LAMA2: variants seen among roughly 807,000 people sequenced by gnomAD.
LAMA2 encodes the protein laminin subunit alpha-2.
Under a neutral mutation model 364.8 loss-of-function variants are expected in LAMA2, and 269 were observed. The ratio of observed to expected loss-of-function variants is 0.74; its 90% CI spans 0.67 to 0.82. LAMA2 has a LOEUF of 0.82. Among genes scored for constraint, LAMA2 ranks in the 40% least tolerant of loss-of-function variants. The probability of loss-of-function intolerance (pLI) is 0.00; values close to 1 mark genes in which losing one functional copy is unlikely to be tolerated. For synonymous variants in LAMA2, 1,379 were observed against 1,370.6 expected (o/e 1.01, Z -0.14); for missense variants, 3,807 against 3,873.2 (o/e 0.98, Z 0.45).
At chr6:129,007,030 C>T (rs1352441864) in intron 1 of LAMA2, among the ~76,000 whole-genome samples, 1 of 152,094 alleles carries the variant, frequency 6.6e-6, no homozygotes, top group Non-Finnish European at 1.5e-5. Context: ...TCACAAAGGT[C>T]TTTGTAGTTA....
intron 3 of LAMA2, among the ~76,000 whole-genome samples, chr6:129,061,251 T>TGC (rs990810050): frequency 9.2e-5 from 14 of 152,206 alleles, no homozygotes; most frequent in African/African-American, 3.4e-4. Context: ...AGAGTGAGTC[T>TGC]GCTGTGCATT....
chr6:129,401,884 A>G (rs1330721409), intron 38 of LAMA2, among the ~76,000 whole-genome samples: 2 of 152,038 alleles, frequency 1.3e-5, no homozygotes, highest in Non-Finnish European at 2.9e-5. Flanking sequence ...TCTTTTTGCT[A>G]TGTTAGTAAG....
chr6:129,469,963 G>A (rs1783730562), intron 51 of LAMA2, among the ~76,000 whole-genome samples: 1 of 151,858 alleles, frequency 6.6e-6, no homozygotes, highest in Non-Finnish European at 1.5e-5. Flanking sequence ...AAGGCAAAAA[G>A]GAGGGATTAC....
At chr6:129,088,219 C>A (rs1288295401) in intron 3 of LAMA2, among the ~76,000 whole-genome samples, 1 of 151,466 alleles carries the variant, frequency 6.6e-6, no homozygotes, top group Non-Finnish European at 1.5e-5. Context: ...GGAGTAAGGT[C>A]ATAGATCAAC....
At chr6:129,475,759 A>G (rs1784039057) in intron 53 of LAMA2, among the ~76,000 whole-genome samples, 1 of 151,992 alleles carries the variant, frequency 6.6e-6, no homozygotes, top group African/African-American at 2.4e-5. Flanking sequence ...AAACACGGTA[A>G]AGTGGTCTCT....
chr6:129,219,952 TA>T (rs1783709569), intron 12 of LAMA2, among the ~76,000 whole-genome samples: 1 of 151,692 alleles, frequency 6.6e-6, no homozygotes, highest in Admixed American at 6.6e-5. Context: ...ACATGTACCC[TA>T]AAACTTAAAG....
intron 1 of LAMA2, among the ~76,000 whole-genome samples, chr6:128,988,754 A>T (rs1783427136): frequency 6.6e-6 from 1 of 152,198 alleles, no homozygotes; most frequent in South Asian, 2.1e-4. Flanking sequence ...ATCAGAGATG[A>T]GCTAAACAAA....
intron 64 of LAMA2, among the ~76,000 whole-genome samples, chr6:129,515,462 C>T (rs1786977321): frequency 6.6e-6 from 1 of 152,102 alleles, no homozygotes; most frequent in Non-Finnish European, 1.5e-5. Flanking sequence ...ATGTACTTCT[C>T]CATTCAGTCT....
intron 1 of LAMA2, among the ~76,000 whole-genome samples, chr6:128,991,420 T>C (rs998487054): frequency 1.3e-5 from 2 of 152,330 alleles, no homozygotes; most frequent in East Asian, 1.9e-4. Flanking sequence ...CGATTCAATC[T>C]ATTATGGAAG....
intron 12 of LAMA2, among the ~76,000 whole-genome samples, chr6:129,234,594 A>T (rs1784866774): frequency 6.6e-6 from 1 of 152,208 alleles, no homozygotes; most frequent in Non-Finnish European, 1.5e-5. Context: ...TTGAATAAGT[A>T]AATTTCATTA....
At position 128,961,318 on chromosome 6, in the gene LAMA2, G is replaced by GATATATAT. The variant is rs58772123; in HGVS notation, c.112+78004_112+78011dup. Among the ~76,000 whole-genome samples the GATATATAT allele has an allele frequency of 6.3e-3, 364 of 57,588 alleles. 9 individuals are homozygous for GATATATAT. The highest frequency in any genetic ancestry group is 0.017 in the Middle Eastern group (2 of 116). The allele number at this position is 57,588 out of a possible 152,430, so 37.8% of individuals were successfully genotyped here. On this transcript the variant is annotated intron_variant, in intron 1 of 64. Transcript: ENST00000421865. ...TTCTGTAGAGGGACAGAACTAATAT[G>GATATATAT]ATATATATATATATATATATATATA...
At chr6:129,225,445 T>C (rs1784185826) in intron 12 of LAMA2, among the ~76,000 whole-genome samples, 2 of 152,352 alleles carry the variant, frequency 1.3e-5, no homozygotes, top group South Asian at 4.1e-4. Flanking sequence ...ATTTTGGATC[T>C]TTCCTGCTTT....
At chr6:129,277,668 A>G (rs1206623240) in intron 17 of LAMA2, among the ~76,000 whole-genome samples, 1 of 152,176 alleles carries the variant, frequency 6.6e-6, no homozygotes, top group Non-Finnish European at 1.5e-5. Flanking sequence ...AATTTTGTAT[A>G]TGACCTTGGT....
At position 129,147,060 on chromosome 6, in the gene LAMA2, T is replaced by C. The variant is rs1778500621; in HGVS notation, c.909+12T>C. 6.4e-7 allele frequency: 1 copy of C among 1,552,908 alleles called. No individual in the cohort carries two copies. The highest frequency in any genetic ancestry group is 1.4e-5 in the African/African-American group (1 of 73,612). On this transcript the variant is annotated intron_variant, in intron 6 of 64. Coordinates refer to ENST00000421865, the MANE Select transcript of LAMA2 (RefSeq NM_000426.4). ...ATCCAGCGACAAATGTATGTATATT[T>C]ATAGGATGCTTAGGCAAAATGAAGC...
intron 34 of LAMA2, among the ~76,000 whole-genome samples, chr6:129,382,532 G>A (rs1281283742): frequency 6.6e-6 from 1 of 152,106 alleles, no homozygotes; most frequent in East Asian, 1.9e-4. Context: ...TATTTCTGGT[G>A]CTATCATATG....
At chr6:129,139,039 A>G (rs2114950524) in intron 4 of LAMA2, among the ~76,000 whole-genome samples, 1 of 152,244 alleles carries the variant, frequency 6.6e-6, no homozygotes, top group African/African-American at 2.4e-5. Context: ...GTGAGAACTG[A>G]GAACTGGACA....
chr6:129,187,896 A>G (rs1223453886), intron 10 of LAMA2, among the ~76,000 whole-genome samples: 1 of 151,848 alleles, frequency 6.6e-6, no homozygotes, highest in Non-Finnish European at 1.5e-5. Flanking sequence ...TTGAAAAATA[A>G]ATAATGAATA....
At chr6:128,998,092 G>T (rs1784112334) in intron 1 of LAMA2, among the ~76,000 whole-genome samples, 1 of 152,086 alleles carries the variant, frequency 6.6e-6, no homozygotes, top group East Asian at 1.9e-4. Flanking sequence ...ATGGGAGTGG[G>T]TGCCTGATGC....
intron 14 of LAMA2, among the ~76,000 whole-genome samples, chr6:129,260,254 A>G (rs953134539): frequency 1.3e-5 from 2 of 152,152 alleles, no homozygotes; most frequent in Non-Finnish European, 2.9e-5. Flanking sequence ...CTCTAAGAAA[A>G]AGAAAACAAA....
Sources: gnomAD v4.1 joint callset for allele counts (sites outside exome capture counted in the v4.1 genomes callset) on GRCh38, gnomAD v4.1.1 for gene constraint, MANE v1.5 for transcripts, NCBI Gene and HGNC (gene_info 2026-07-23, HGNC 2026-07-21) for gene names.